Variants in SPDYE1 observed in about 807,000 individuals in gnomAD.
SPDYE1 encodes the protein speedy protein E1.
Under a neutral mutation model 45.9 loss-of-function variants are expected in SPDYE1, and 29 were observed. The ratio of observed to expected loss-of-function variants is 0.63; its 90% CI spans 0.47 to 0.86. The LOEUF (loss-of-function observed/expected upper bound fraction) is 0.86. SPDYE1 is among the 40% of genes least tolerant of loss of function. The probability of loss-of-function intolerance (pLI) is 0.00; values close to 1 mark genes in which losing one functional copy is unlikely to be tolerated. For synonymous variants in SPDYE1, 134 were observed against 176.8 expected, an observed-to-expected ratio of 0.76 and a Z score of 1.92; for missense variants, 346 against 481.4, an observed-to-expected ratio of 0.72 and a Z score of 2.63.
In SPDYE1 at chr7:44,002,714, G is replaced by C; in HGVS notation, c.504G>C (p.Glu168Asp). 1.9e-6 allele frequency: 3 copies of C among 1,596,002 alleles called. No individual in the cohort carries two copies. Among genetic ancestry groups the C allele is most frequent in the Non-Finnish European group, 2.5e-6 (3 of 1,179,494 alleles). ...AGGTGCTCGCCCCTGAGCCTGAGGAGATCTGGGTGGCGGAGATGCTGTGTG... is the reference window on the plus strand; with the variant it reads ...AGGTGCTCGCCCCTGAGCCTGAGGACATCTGGGTGGCGGAGATGCTGTGTG... ...PRKVLAPEPE[E>D]IWVAEMLCGL... Residue 168 changes from glutamate (E) to aspartate (D), a missense_variant, in exon 4 of 9, where the codon GAG (glutamate) becomes GAC (aspartate). Transcript: ENST00000693451.
chr7:44,007,014 G>A (rs1257218138), intron 6 of SPDYE1, among the ~76,000 whole-genome samples: 1 of 152,220 alleles, frequency 6.6e-6, no homozygotes, highest in African/African-American at 2.4e-5. Context: ...GCCTCCCAAT[G>A]TGCTGGGATT....
At chr7:44,001,991 C>G (rs898647986) in intron 3 of SPDYE1, among the ~76,000 whole-genome samples, 1 of 149,018 alleles carries the variant, frequency 6.7e-6, no homozygotes, top group Non-Finnish European at 1.5e-5. Context: ...GGAAGGAGCA[C>G]GTGAGGAGGG....
At position 44,009,343 on chromosome 7, in the gene SPDYE1, G is replaced by C. The variant is rs2096076020; in HGVS notation, c.*722G>C. ...AATTTGTTTCTGTATTATTATATGT[G>C]CTCCTGAAGCGAGCACTCTTTTTAT... is the stretch of plus-strand genomic sequence containing the variant. On this transcript the variant is annotated 3_prime_UTR_variant, in exon 9 of 9. Coordinates refer to ENST00000693451, the MANE Select transcript of SPDYE1 (RefSeq NM_001378423.2). 6.6e-6 allele frequency: 1 copy of C among 151,014 alleles called. No individual in the cohort carries two copies. The highest frequency in any genetic ancestry group is 2.4e-5 in the African/African-American group (1 of 40,826). 9.4% of individuals were successfully genotyped at this position (151,014 alleles called of 1,614,324 possible). A position where few individuals can be genotyped will look rare whatever the true frequency, so the allele number is the denominator to read the frequency against.
chr7:44,007,415 G>C lies in SPDYE1; in HGVS notation c.900G>C (p.Lys300Asn). ...LYRSMNPRAR[K>N]NRSHIPLVRK... is the part of the protein sequence containing the mutation. ...GTTCCATGAACCCGAGGGCCAGGAAGAACCGCTCTCACATACCCTTGGTCC... is the reference window on the plus strand; with the variant it reads ...GTTCCATGAACCCGAGGGCCAGGAACAACCGCTCTCACATACCCTTGGTCC... Residue 300 changes from lysine to asparagine, a missense_variant, in exon 7 of 9, where the codon AAG (lysine) becomes AAC (asparagine). Lys to Asn is a moderately conservative substitution (Grantham distance 94). Coordinates refer to ENST00000693451, the MANE Select transcript of SPDYE1 (RefSeq NM_001378423.2). 1 of 1,612,684 alleles carries C rather than the reference G, an allele frequency of 6.2e-7. No individual in the cohort carries two copies.
rs2096059928 is a variant in SPDYE1, at chr7:43,999,563, A to C, written c.-387A>C. ...GAAATGGGCACGTACAGAGACGAAG[A>C]GACCCCAACATGCTTCAGGCTTTGA... is the stretch of plus-strand genomic sequence containing the variant. On this transcript the variant is annotated 5_prime_UTR_variant, in exon 2 of 9. Transcript: ENST00000693451. 6.6e-6 allele frequency among the ~76,000 whole-genome samples: 1 copy of C among 152,038 alleles called. No individual in the cohort carries two copies. The highest frequency in any genetic ancestry group is 1.5e-5 in the Non-Finnish European group (1 of 68,018).
rs200788276 is a variant in SPDYE1, at chr7:44,007,525, G to A, written c.1010G>A (p.Arg337Gln). The stretch of plus-strand genomic sequence containing the variant: ...CAGATAGTCCTGTTCCAGAAACGTC[G>A]GTTCCACTTCTTCTGTTCCATGAGC... ...RSQIVLFQKR[R>Q]FHFFCSMSCR... The change falls in exon 7 of 9, where the codon CGG (arginine) becomes CAG (glutamine). Residue 337 changes from arginine to glutamine, a missense_variant. Arg to Gln is a conservative substitution (Grantham distance 43, BLOSUM62 1). Around this residue, in one of 4 missense-constraint regions of SPDYE1, gnomAD observed 186 missense variants for 219.1 expected, o/e 0.85. Transcript: ENST00000693451. 1,990 of 1,613,806 alleles carry A rather than the reference G, an allele frequency of 1.2e-3. 45 individuals are homozygous for A. In the South Asian group the frequency reaches 0.02, roughly 16 times the overall value.
rs187227233 is a variant in SPDYE1 at position 44,008,711 on chromosome 7, T to C, written c.*90T>C. On this transcript the variant is annotated 3_prime_UTR_variant, in exon 9 of 9. Coordinates refer to ENST00000693451, the MANE Select transcript of SPDYE1 (RefSeq NM_001378423.2). ...ATGTGGATTTTCAGCAGGAACTTTATTCCAATGCTAATGGCAGACACCAGG... is the reference window on the plus strand; with the variant it reads ...ATGTGGATTTTCAGCAGGAACTTTACTCCAATGCTAATGGCAGACACCAGG... The C allele has an allele frequency of 0.024, 29,371 of 1,235,510 alleles. 419 individuals carry two copies. The highest frequency in any genetic ancestry group is 0.028 in the Non-Finnish European group (26,084 of 938,754). The allele number at this position is 1,235,510 out of a possible 1,614,324, so 76.5% of individuals were successfully genotyped here.
At position 44,007,394 on chromosome 7, in the gene SPDYE1, C is replaced by A; in HGVS notation, c.879C>A (p.Ser293=). 6.2e-7 allele frequency: 1 copy of A among 1,612,552 alleles called. No homozygotes were observed. Among genetic ancestry groups the A allele is most frequent in the Non-Finnish European group, 8.5e-7 (1 of 1,179,264 alleles). ...AGCGTCGGTTCCAGTTATACCGTTCCATGAACCCGAGGGCCAGGAAGAACC... is the reference window on the plus strand; with the variant it reads ...AGCGTCGGTTCCAGTTATACCGTTCAATGAACCCGAGGGCCAGGAAGAACC... ...LRKRRFQLYR[S]MNPRARKNRS... Residue 293 remains serine (S), a synonymous_variant, in exon 7 of 9, where the codon TCC becomes TCA. Coordinates refer to ENST00000693451, the MANE Select transcript of SPDYE1 (RefSeq NM_001378423.2).
intron 6 of SPDYE1, among the ~76,000 whole-genome samples, chr7:44,006,578 C>T (rs1194103285): frequency 2.0e-5 from 3 of 151,644 alleles, no homozygotes; most frequent in African/African-American, 4.9e-5. Context: ...TTATTAGCTC[C>T]GACTACAGGG....
rs573873250 is a variant in SPDYE1 at position 44,007,299 on chromosome 7, G to A, written c.784G>A (p.Glu262Lys). ...YLANDMEEDD[E>K]DSKQNIFHFL... ...GGCCAATGACATGGAGGAGGACGAC[G>A]AGGACTCCAAACAAAACATCTTCCA... The change falls in exon 7 of 9, where the codon GAG becomes AAG. Residue 262 changes from glutamate (E) to lysine (K), a missense_variant. Transcript: ENST00000693451. 7.4e-5 allele frequency: 120 copies of A among 1,612,874 alleles called. No individual in the cohort carries two copies. The highest frequency in any genetic ancestry group is 7.3e-4 in the African/African-American group (55 of 75,010).
In SPDYE1 at chr7:44,007,978, C is replaced by A. The variant is rs895022325; in HGVS notation, c.*45+165C>A. The stretch of plus-strand genomic sequence containing the variant: ...GCAATGTGGGACGCATCTCTACTCC[C>A]AACTACTCAGGAGGCCGAGGCGGGA... On this transcript the variant is annotated intron_variant, in intron 8 of 8. Coordinates refer to ENST00000693451, the MANE Select transcript of SPDYE1 (RefSeq NM_001378423.2). The A allele has an allele frequency of 2.7e-6, 4 of 1,482,664 alleles. No individual in the cohort carries two copies. The Admixed American group carries it at 6.2e-5, about 23-fold the overall frequency. 91.8% of individuals were successfully genotyped at this position (1,482,664 alleles called of 1,614,324 possible).
rs962322430 is a variant in SPDYE1 at position 43,997,943 on chromosome 7, A to G, written c.-439A>G. ...CAGATCTGGGCCCAGGACTTTGTGCAGGGAGGGGAAATGCAGGTGACTCAG... is the reference window on the plus strand; with the variant it reads ...CAGATCTGGGCCCAGGACTTTGTGCGGGGAGGGGAAATGCAGGTGACTCAG... On this transcript the variant is annotated 5_prime_UTR_variant, in exon 1 of 9. Transcript: ENST00000693451. Among the ~76,000 whole-genome samples, 5 of 152,210 alleles carry G rather than the reference A, an allele frequency of 3.3e-5. No individual in the cohort carries two copies. Among genetic ancestry groups the G allele is most frequent in the African/African-American group, 1.2e-4 (5 of 41,464 alleles).
rs2096069551 is a variant in SPDYE1 at position 44,005,191 on chromosome 7, C to T, written c.716C>T (p.Ser239Phe). ...TATTTCAGCCGAGCCGGCTTCCCCT[C>T]CTGGCAATACCAACGCCTTCATTTC... ...IAYFSRAGFP[S>F]WQYQRLHFFL... Residue 239 changes from serine to phenylalanine, a missense_variant, in exon 6 of 9, where the codon TCC (serine) becomes TTC (phenylalanine). Transcript: ENST00000693451. 1.2e-6 allele frequency: 2 copies of T among 1,611,942 alleles called. No homozygotes were observed. Among genetic ancestry groups the T allele is most frequent in the South Asian group, 1.1e-5 (1 of 90,998 alleles).
chr7:44,006,965 C>G (rs552230462), intron 6 of SPDYE1, among the ~76,000 whole-genome samples: 1 of 152,120 alleles, frequency 6.6e-6, no homozygotes, highest in African/African-American at 2.4e-5. Flanking sequence ...TGCCCAGGCT[C>G]GTCTCAAACT....
intron 1 of SPDYE1, among the ~76,000 whole-genome samples, chr7:43,998,765 G>A (rs2096058695): frequency 7.3e-6 from 1 of 136,828 alleles, no homozygotes; most frequent in Non-Finnish European, 1.6e-5. Flanking sequence ...TCTAACTCCT[G>A]GGCTCAAGTG....
Position 44,004,904 on chromosome 7 carries a change from C to A in SPDYE1, c.667-238C>A. ...ACCTAGACACACCCCCTCCAAAGAT[C>A]CCATCGGAGCCCACCATCCTGGGAG... On this transcript the variant is annotated intron_variant, in intron 5 of 8. Coordinates refer to ENST00000693451, the MANE Select transcript of SPDYE1 (RefSeq NM_001378423.2). 1.5e-5 allele frequency: 9 copies of A among 598,156 alleles called. No individual in the cohort carries two copies. In the South Asian group the frequency reaches 1.5e-4, roughly 10 times the overall value. 37.1% of individuals were successfully genotyped at this position (598,156 alleles called of 1,614,324 possible).
Position 44,008,657 on chromosome 7 carries a change from T to C in SPDYE1, c.*46-10T>C. The C allele has an allele frequency of 7.8e-7, 1 of 1,279,302 alleles. No individual in the cohort carries two copies. Among genetic ancestry groups the C allele is most frequent in the South Asian group, 1.3e-5 (1 of 79,316 alleles). 79.2% of individuals were successfully genotyped at this position (1,279,302 alleles called of 1,614,324 possible). A position where few individuals can be genotyped will look rare whatever the true frequency, so the allele number is the denominator to read the frequency against. ...TCCTTGAAGTGTGACATTGTCTCTC[T>C]CCCTTCCAGAACACCGGACCCAGGG... On this transcript the variant is annotated splice_polypyrimidine_tract_variant and intron_variant, in intron 8 of 8. Transcript: ENST00000693451.
At chr7:44,006,768 C>T (rs1252157537) in intron 6 of SPDYE1, among the ~76,000 whole-genome samples, 13 of 152,206 alleles carry the variant, frequency 8.5e-5, no homozygotes, top group Admixed American at 5.2e-4. Flanking sequence ...GGTGTGCCAT[C>T]GCACCAGGCT....
intron 8 of SPDYE1, among the ~76,000 whole-genome samples, chr7:44,008,133 T>A (rs554959271): frequency 6.6e-6 from 1 of 152,240 alleles, no homozygotes; most frequent in Non-Finnish European, 1.5e-5. Context: ...AGGTTCATTA[T>A]GATTGACGCA....
Sources: allele counts gnomAD v4.1 joint callset (sites outside exome capture counted in the v4.1 genomes callset), GRCh38; gene constraint gnomAD v4.1.1; regional missense constraint gnomAD v4.1.1; transcripts MANE v1.5; gene names NCBI Gene and HGNC (gene_info 2026-07-23, HGNC 2026-07-21).